The following MPP4 variants were observed in gnomAD, a reference collection of about 807,000 sequenced individuals.
The protein encoded by MPP4 is MAGUK p55 scaffold protein 4.
MPP4 carries 91 observed loss-of-function variants against 98.3 expected under a neutral mutation model. The observed-to-expected ratio is 0.93, with a 90% CI of 0.78 to 1.10. MPP4 has a LOEUF of 1.10. MPP4 is among the 50% of genes least tolerant of loss of function. The pLI is 0.00. For synonymous variants in MPP4, 261 were observed against 271.8 expected (o/e 0.96, Z 0.39); for missense variants, 744 against 792.9 (o/e 0.94, Z 0.74).
In MPP4 at chr2:201,685,123, T is replaced by C. The variant is rs754197618; in HGVS notation, c.515A>G (p.Glu172Gly). Reference protein sequence around the residue: ...QPLGATIKRHEMTGDILVARI... With the variant: ...QPLGATIKRHGMTGDILVARI... ...GGCCACCAAGATGTCCCCTGTCATCTCGTGGCGCTTGATGGTGGCTCCCTG... is the reference window on the plus strand; with the variant it reads ...GGCCACCAAGATGTCCCCTGTCATCCCGTGGCGCTTGATGGTGGCTCCCTG... Residue 172 changes from glutamate (E) to glycine (G), a missense_variant, in exon 7 of 22, where the codon GAG becomes GGG. Transcript: ENST00000409474. The C allele has an allele frequency of 6.2e-7, 1 of 1,611,412 alleles. No homozygotes were observed. The highest frequency in any genetic ancestry group is 8.5e-7 in the Non-Finnish European group (1 of 1,179,032).
chr2:201,695,191 T>C (rs1182547558), intron 1 of MPP4, among the ~76,000 whole-genome samples: 1 of 152,108 alleles, frequency 6.6e-6, no homozygotes, highest in Non-Finnish European at 1.5e-5. Context: ...GGGTGTAGCA[T>C]GGTTCTGTCT....
intron 11 of MPP4, 171 bp downstream of exon 11, chr2:201,675,036 C>A (rs1305669135): frequency 2.5e-6 from 2 of 805,000 alleles, no homozygotes; most frequent in Non-Finnish European, 2.1e-6. Context: ...CCTCCCCAAA[C>A]TACCTTTGAA....
At position 201,645,261 on chromosome 2, in the gene MPP4, C is replaced by A. The variant is rs866986220; in HGVS notation, c.1863G>T (p.Glu621Asp). The A allele has an allele frequency of 1.2e-6, 2 of 1,613,816 alleles. No homozygotes were observed. Among genetic ancestry groups the A allele is most frequent in the African/African-American group, 1.3e-5 (1 of 75,040 alleles). The stretch of plus-strand genomic sequence containing the variant: ...TCCATGTTGCTGGTACCCACTGAGG[C>A]TCCTCCTGAGCCTTCTGTATGGCAG... ...LLSAIQKAQE[E>D]PQWVPATWIS... The change falls in exon 22 of 22, where the codon GAG (glutamate) becomes GAT (aspartate). Residue 621 changes from glutamate to aspartate, a missense_variant. By Grantham distance (45) the Glu-to-Asp change is conservative. Coordinates refer to ENST00000409474, the MANE Select transcript of MPP4 (RefSeq NM_033066.3).
chr2:201,690,208 G>T lies in MPP4; in HGVS notation c.273C>A (p.Ser91=). ...TGGAATAAAATCTCCTTACCTCATA[G>T]GATAACACCTGTGCATGTGGTGTGG... The part of the protein sequence containing the change: ...VPATPHAQVL[S]YEVVELLRET... The change falls in exon 4 of 22, where the codon TCC becomes TCA. Residue 91 remains serine, a synonymous_variant. Coordinates refer to ENST00000409474, the MANE Select transcript of MPP4 (RefSeq NM_033066.3). 1 of 1,605,994 alleles carries T rather than the reference G, an allele frequency of 6.2e-7. No homozygotes were observed. The highest frequency in any genetic ancestry group is 1.7e-5 in the Admixed American group (1 of 59,380).
intron 18 of MPP4, chr2:201,651,069 T>C (rs1274663069): frequency 3.0e-6 from 3 of 985,330 alleles, no homozygotes; most frequent in Non-Finnish European, 3.6e-6. Flanking sequence ...GCATCCTATA[T>C]ACTGTAAAGC....
intron 17 of MPP4, 34 bp from the exon 18 acceptor site, chr2:201,654,951 G>C: frequency 7.4e-7 from 1 of 1,356,106 alleles, no homozygotes; most frequent in East Asian, 2.4e-5. Flanking sequence ...GAAATCATCA[G>C]ATGTGGATAA....
intron 17 of MPP4, among the ~76,000 whole-genome samples, chr2:201,655,732 A>G (rs1369800226): frequency 6.6e-6 from 1 of 152,208 alleles, no homozygotes; most frequent in African/African-American, 2.4e-5. Flanking sequence ...TAAAGCACCA[A>G]AGATACAGTC....
At position 201,665,923 on chromosome 2, in the gene MPP4, A is replaced by G. The variant is rs12472590; in HGVS notation, c.1051+411T>C. The G allele has an allele frequency of 3.4e-3, 517 of 153,428 alleles. 11 individuals carry two copies. The highest frequency in any genetic ancestry group is 0.031 in the Admixed American group (468 of 15,328). 9.5% of individuals were successfully genotyped at this position (153,428 alleles called of 1,614,324 possible). On this transcript the variant is annotated intron_variant, in intron 13 of 21. Transcript: ENST00000409474. ...TCTCATCATTTTGGAACCTACTACTATTTATCTATACTAGAATCCACCAGA... is the reference window on the plus strand; with the variant it reads ...TCTCATCATTTTGGAACCTACTACTGTTTATCTATACTAGAATCCACCAGA...
At chr2:201,652,423 C>T (rs1465491743) in intron 18 of MPP4, among the ~76,000 whole-genome samples, 1 of 152,200 alleles carries the variant, frequency 6.6e-6, no homozygotes, top group African/African-American at 2.4e-5. Context: ...CACACCACTG[C>T]ACTCCAGCCT....
chr2:201,652,722 A>T (rs1304976498), intron 18 of MPP4, among the ~76,000 whole-genome samples: 1 of 152,164 alleles, frequency 6.6e-6, no homozygotes, highest in East Asian at 1.9e-4. Flanking sequence ...GCCAGACGAG[A>T]GTATGAGTCA....
At position 201,683,021 on chromosome 2, in the gene MPP4, A is replaced by G; in HGVS notation, c.575-105T>C. Reference sequence around the variant, plus strand: ...TAACTCACTAACCCAAGCATGCTCTAAAAATGTTTAATATAAAATAATAAT... The same window carrying G: ...TAACTCACTAACCCAAGCATGCTCTGAAAATGTTTAATATAAAATAATAAT... On this transcript the variant is annotated intron_variant, in intron 7 of 21. Transcript: ENST00000409474. 5 of 745,398 alleles carry G rather than the reference A, an allele frequency of 6.7e-6. No individual in the cohort carries two copies. In the South Asian group the frequency reaches 8.8e-5, roughly 13 times the overall value. 46.2% of individuals were successfully genotyped at this position (745,398 alleles called of 1,614,324 possible).
chr2:201,666,883 AG>A (rs1343680821), intron 12 of MPP4, among the ~76,000 whole-genome samples: 1 of 152,160 alleles, frequency 6.6e-6, no homozygotes, highest in Non-Finnish European at 1.5e-5. Context: ...AGAGATAAAA[AG>A]GGCTCTCCTA....
chr2:201,681,381 A>G, intron 9 of MPP4, 115 bp downstream of exon 9: 2 of 878,296 alleles, frequency 2.3e-6, no homozygotes, highest in Non-Finnish European at 3.7e-6. Flanking sequence ...TATCCAACAC[A>G]GTCTTGAATC....
intron 20 of MPP4, among the ~76,000 whole-genome samples, chr2:201,649,047 G>C (rs1574595878): frequency 6.6e-6 from 1 of 152,124 alleles, no homozygotes; most frequent in Admixed American, 6.6e-5. Flanking sequence ...CTGGATGACA[G>C]AGCAGGGCCT....
Position 201,680,991 on chromosome 2 carries a change from G to A in MPP4, c.776C>T (p.Pro259Leu). 5 of 1,613,836 alleles carry A rather than the reference G, an allele frequency of 3.1e-6. No homozygotes were observed. The highest frequency in any genetic ancestry group is 4.2e-6 in the Non-Finnish European group (5 of 1,179,850). ...TCCAGCGTCCATGCAGGGGATGTCG[G>A]GATCCTCCTGGGGCCAGTACTCAGT... ...AMTEYWPQED[P>L]DIPCMDAGLP... is the part of the protein sequence containing the mutation. The change falls in exon 10 of 22, where the codon CCC becomes CTC. Residue 259 changes from proline (P) to leucine (L), a missense_variant. By Grantham distance (98) the Pro-to-Leu change is moderately conservative. Coordinates refer to ENST00000409474, the MANE Select transcript of MPP4 (RefSeq NM_033066.3).
intron 10 of MPP4, chr2:201,679,939 T>C (rs1008615180): frequency 3.3e-5 from 5 of 152,250 alleles, no homozygotes; most frequent in African/African-American, 1.2e-4. Flanking sequence ...TACTGCTAAA[T>C]CCAGTGGTCA....
Position 201,647,726 on chromosome 2 carries a change from C to A in MPP4, c.1684G>T (p.Val562Phe), listed in dbSNP as rs11894115. ...CMKQSRKNAK[V>F]ITDYYVDMKF... ...ATGTCCACATAGTAGTCAGTAATAA[C>A]CTTGGCATTTTTCCGAGATTGTTTC... Residue 562 changes from valine (V) to phenylalanine (F), a missense_variant, in exon 21 of 22, where the codon GTT becomes TTT. By Grantham distance (50) the Val-to-Phe change is conservative. Transcript: ENST00000409474. The A allele has an allele frequency of 1.2e-6, 2 of 1,613,644 alleles. No homozygotes were observed. The highest frequency in any genetic ancestry group is 1.7e-6 in the Non-Finnish European group (2 of 1,179,826).
rs534479774 is a variant in MPP4 at position 201,697,693 on chromosome 2, C to T, written c.-101+894G>A. Among the ~76,000 whole-genome samples the T allele has an allele frequency of 9.8e-5, 15 of 152,314 alleles. No individual in the cohort carries two copies. The South Asian group carries it at 3.1e-3, about 32-fold the overall frequency. ...CTCCAGAGGCCTGTGCCCTCCCTTC[C>T]TTTCCTCCCTGGCCTGGTATCCTGA... On this transcript the variant is annotated intron_variant, in intron 1 of 21. Transcript: ENST00000409474.
At chr2:201,672,371 A>C (rs1688367210) in intron 11 of MPP4, among the ~76,000 whole-genome samples, 2 of 152,222 alleles carry the variant, frequency 1.3e-5, no homozygotes, top group Non-Finnish European at 2.9e-5. Context: ...TCAAAAATCT[A>C]GCAGAAGACA....
Sources: allele counts gnomAD v4.1 joint callset (sites outside exome capture counted in the v4.1 genomes callset), GRCh38; gene constraint gnomAD v4.1.1; transcripts MANE v1.5; gene names NCBI Gene and HGNC (gene_info 2026-07-23, HGNC 2026-07-21).